Variants in SHKBP1 observed in about 807,000 individuals in gnomAD.
The protein encoded by SHKBP1 is SH3KBP1-binding protein 1.
SHKBP1 carries 71 observed loss-of-function variants against 83.9 expected under a neutral mutation model. The observed-to-expected ratio is 0.85, with a 90% CI of 0.70 to 1.03. The LOEUF (loss-of-function observed/expected upper bound fraction) is 1.03, where lower values mean the gene tolerates loss of function less well. Among genes scored for constraint, SHKBP1 ranks in the 50% least tolerant of loss-of-function variants. The pLI is 0.00. For missense variants in SHKBP1, 824 were observed against 982.4 expected, an observed-to-expected ratio of 0.84 and a Z score of 2.16; for synonymous variants, 371 against 398.0, an observed-to-expected ratio of 0.93 and a Z score of 0.81.
intron 10 of SHKBP1, 55 bp downstream of exon 10, chr19:40,582,521 A>G: frequency 6.7e-7 from 1 of 1,492,968 alleles, no homozygotes; most frequent in Non-Finnish European, 9.3e-7. Context: ...GACTGTACAG[A>G]CCCAGGAAGG....
At position 40,588,622 on chromosome 19, in the gene SHKBP1, A is replaced by C. The variant is rs1227845873; in HGVS notation, c.1337-2A>C. On this transcript the variant is annotated splice_acceptor_variant, in intron 13 of 17. Transcript: ENST00000291842. LOFTEE classifies it high-confidence loss of function. ...ACTTCCTGCTCTCCTTGTGCCCCTC[A>C]GTCTGTGCCGACAACAACCACGTGC... The C allele has an allele frequency of 3.7e-6, 6 of 1,614,174 alleles. No homozygotes were observed. In the East Asian group the frequency reaches 1.3e-4, roughly 36 times the overall value.
At chr19:40,577,013 A>G (rs2145972569) in intron 1 of SHKBP1, 28 bp downstream of exon 1, 2 of 1,442,302 alleles carry the variant, frequency 1.4e-6, no homozygotes, top group South Asian at 1.3e-5. Context: ...CTGAGGTCCC[A>G]TCCTCGGGGG....
Position 40,578,523 on chromosome 19 carries a change from TG to T in SHKBP1, c.383del (p.Gly128ValfsTer10). On this transcript the variant is annotated frameshift_variant, in exon 6 of 18. Transcript: ENST00000291842. LOFTEE classifies it high-confidence loss of function. ...RSSCGNVLFN[G>X]YLPPPVFPVK... ...CTTCTTGTGGAAACGTCCTCTTCAA[TG>T]GTTACCTGCCGCCACCAGGTAGGCA... The T allele has an allele frequency of 6.2e-7, 1 of 1,614,006 alleles. No individual in the cohort carries two copies. Among genetic ancestry groups the T allele is most frequent in the Non-Finnish European group, 8.5e-7 (1 of 1,179,998 alleles).
At chr19:40,578,356 G>C in intron 5 of SHKBP1, 106 bp from the exon 6 acceptor site, 22 of 1,473,184 alleles carry the variant, frequency 1.5e-5, no homozygotes, top group Non-Finnish European at 2.1e-5. Context: ...GTCTGTATTC[G>C]TACTGGGAGG....
At position 40,586,959 on chromosome 19, in the gene SHKBP1, G is replaced by A; in HGVS notation, c.1336+15G>A. ...CCTCATCTCAGGTGAGCCTCTGTGG[G>A]GTGCTCCAGTGCTGGGAGAGACAGC... On this transcript the variant is annotated intron_variant, in intron 13 of 17. Transcript: ENST00000291842. 6.3e-7 allele frequency: 1 copy of A among 1,581,420 alleles called. No individual in the cohort carries two copies. Among genetic ancestry groups the A allele is most frequent in the Non-Finnish European group, 8.6e-7 (1 of 1,157,500 alleles).
Position 40,580,654 on chromosome 19 carries a change from C to T in SHKBP1, c.651C>T (p.Tyr217=). 1.2e-6 allele frequency: 2 copies of T among 1,614,158 alleles called. No individual in the cohort carries two copies. The highest frequency in any genetic ancestry group is 1.7e-6 in the Non-Finnish European group (2 of 1,180,032). The change falls in exon 8 of 18, where the codon TAC becomes TAT. Residue 217 remains tyrosine (Y), a splice_region_variant and synonymous_variant. Coordinates refer to ENST00000291842, the MANE Select transcript of SHKBP1 (RefSeq NM_138392.4). The part of the protein sequence containing the change: ...AVAYTQFLVC[Y]RLKEASGWQL... ...CCTATACCCAGTTTCTAGTCTGCTA[C>T]AGGTGCTTGGGGAGGGAGTGGCAGG...
rs1161611045 is a variant in SHKBP1 at position 40,590,683 on chromosome 19, C to A, written c.1769-47C>A. 2.6e-6 allele frequency: 4 copies of A among 1,537,310 alleles called. No homozygotes were observed. The highest frequency in any genetic ancestry group is 3.8e-5 in the Admixed American group (2 of 53,004). On this transcript the variant is annotated intron_variant, in intron 16 of 17. Coordinates refer to ENST00000291842, the MANE Select transcript of SHKBP1 (RefSeq NM_138392.4). This position sits in a 1 kb window ranked among gnomAD's most constrained non-coding sequence, Gnocchi z 4.6. ...ACTGCAATGCAACCCAGGCCCTTGC[C>A]CTATGACCCCTGTCTTGCCCCCTGA...
intron 15 of SHKBP1, 33 bp downstream of exon 15, chr19:40,589,211 ACAGTCCTGTCCAACAGGGAGGGAGGT>A (rs2081336983): frequency 1.7e-6 from 1 of 594,306 alleles, no homozygotes. Context: ...GGGAGGGAGG[ACAGTCCTGTCCAACAGGGAGGGAGGT>A]CAGGGGAGAA....
chr19:40,583,399 T>A lies in SHKBP1; in HGVS notation c.962T>A (p.Val321Asp), dbSNP rs1490120452. The A allele has an allele frequency of 6.3e-7, 1 of 1,574,908 alleles. No homozygotes were observed. The highest frequency in any genetic ancestry group is 8.6e-7 in the Non-Finnish European group (1 of 1,159,970). Reference protein sequence around the residue: ...VWNAVTKHWQVQEVQPITSYD... With the variant: ...VWNAVTKHWQDQEVQPITSYD... ...CAGCCTGTCCTGCCCCACCCCCAGG[T>A]CCAGGAGGTGCAGCCCATCACCAGT... The change falls in exon 11 of 18, where the codon GTC becomes GAC. Residue 321 changes from valine to aspartate, a missense_variant and splice_region_variant. Physicochemically the swap from Val to Asp is radical, Grantham distance 152. Around this residue, in one of 3 missense-constraint regions of SHKBP1, gnomAD observed 182 missense variants for 273.1 expected, o/e 0.67. Transcript: ENST00000291842.
chr19:40,578,607 T>C (rs2081242199), intron 6 of SHKBP1, 65 bp downstream of exon 6: 2 of 1,469,454 alleles, frequency 1.4e-6, no homozygotes, highest in Non-Finnish European at 9.5e-7. Flanking sequence ...CCCATAAGGC[T>C]GCAGCTCTCG....
chr19:40,580,231 A>C, intron 6 of SHKBP1, 93 bp from the exon 7 acceptor site: 1 of 1,425,034 alleles, frequency 7.0e-7, no homozygotes, highest in Non-Finnish European at 9.6e-7. Flanking sequence ...TGTCCCACAC[A>C]TGGGGAAATC....
Position 40,578,190 on chromosome 19 carries a change from G to A in SHKBP1, c.297G>A (p.Gln99=), listed in dbSNP as rs769111493. The part of the protein sequence containing the change: ...VHGSSLLHEA[Q]FYGLTPLVRR... ...GTTCCAGCCTCCTCCATGAAGCCCA[G>A]TTCTATGGGCTCACTCCTCTGGGTA... The change falls in exon 5 of 18, where the codon CAG becomes CAA. Residue 99 remains glutamine, a synonymous_variant. Transcript: ENST00000291842. 1.0e-4 allele frequency: 165 copies of A among 1,614,010 alleles called. No homozygotes were observed. Among genetic ancestry groups the A allele is most frequent in the Admixed American group, 1.3e-4 (8 of 60,006 alleles).
rs415075 is a variant in SHKBP1 at position 40,586,548 on chromosome 19, C to G, written c.1166-226C>G. ...CCACCAGCTAATTTTTGTATTTTTA[C>G]TAGAGACAGGGTTTCAGCACGTTGG... On this transcript the variant is annotated intron_variant, in intron 12 of 17. Transcript: ENST00000291842. 190,328 of 371,262 alleles carry G rather than the reference C, an allele frequency of 0.51. 51,070 individuals carry two copies. Among genetic ancestry groups the G allele is most frequent in the African/African-American group, 0.75 (35,762 of 47,940 alleles). The allele number at this position is 371,262 out of a possible 1,614,324, so 23.0% of individuals were successfully genotyped here. A position where few individuals can be genotyped will look rare whatever the true frequency, so the allele number is the denominator to read the frequency against.
chr19:40,582,429 G>C lies in SHKBP1; in HGVS notation c.923G>C (p.Arg308Pro). The C allele has an allele frequency of 6.2e-7, 1 of 1,614,148 alleles. No individual in the cohort carries two copies. Among genetic ancestry groups the C allele is most frequent in the Non-Finnish European group, 8.5e-7 (1 of 1,180,008 alleles). ...CTCATTGCTACAAGCCACACAGGGC[G>C]CATCGGGGTGTGGAATGCCGTCACC... ...NQLIATSHTG[R>P]IGVWNAVTKH... is the part of the protein sequence containing the mutation. The change falls in exon 10 of 18, where the codon CGC becomes CCC. Residue 308 changes from arginine to proline, a missense_variant. Arg to Pro is a moderately radical substitution (Grantham distance 103). Around this residue, in one of 3 missense-constraint regions of SHKBP1, gnomAD observed 182 missense variants for 273.1 expected, o/e 0.67. Coordinates refer to ENST00000291842, the MANE Select transcript of SHKBP1 (RefSeq NM_138392.4).
At position 40,578,258 on chromosome 19, in the gene SHKBP1, A is replaced by C. The variant is rs376634075; in HGVS notation, c.319+46A>C. The C allele has an allele frequency of 1.3e-5, 20 of 1,576,166 alleles. No homozygotes were observed. The African/African-American group carries it at 2.7e-4, about 21-fold the overall frequency. ...ATCATCCTCATTGTATAGAAAACCAACTCTGTGATGCTACCTGCCCCTCTT... is the reference window on the plus strand; with the variant it reads ...ATCATCCTCATTGTATAGAAAACCACCTCTGTGATGCTACCTGCCCCTCTT... On this transcript the variant is annotated intron_variant, in intron 5 of 17. Transcript: ENST00000291842.
intron 6 of SHKBP1, among the ~76,000 whole-genome samples, chr19:40,579,551 C>A (rs914969779): frequency 2.6e-5 from 4 of 152,080 alleles, no homozygotes; most frequent in Admixed American, 2.6e-4. Context: ...GTGGTCCCAG[C>A]TACTTAGGAT....
Position 40,580,809 on chromosome 19 carries a change from A to G in SHKBP1, c.717A>G (p.Glu239=). ...FSSPRLDWPI[E]RLALTARVHG... ...GCCCCCGCCTGGACTGGCCCATCGA[A>G]CGACTGGCGCTCACAGCCCGGGTGC... Residue 239 remains glutamate, a synonymous_variant, in exon 9 of 18, where the codon GAA becomes GAG. Coordinates refer to ENST00000291842, the MANE Select transcript of SHKBP1 (RefSeq NM_138392.4). 1 of 1,613,176 alleles carries G rather than the reference A, an allele frequency of 6.2e-7. No individual in the cohort carries two copies. The highest frequency in any genetic ancestry group is 8.5e-7 in the Non-Finnish European group (1 of 1,179,524).
Position 40,590,406 on chromosome 19 carries a change from C to T in SHKBP1, c.1752C>T (p.Gly584=). Residue 584 remains glycine, a synonymous_variant, in exon 16 of 18, where the codon GGC becomes GGT. Coordinates refer to ENST00000291842, the MANE Select transcript of SHKBP1 (RefSeq NM_138392.4). This position sits in a 1 kb window ranked among gnomAD's most constrained non-coding sequence, Gnocchi z 4.6. ...AMWDLTTAMD[G]LGQAPAGGLT... is the part of the protein sequence containing the mutation. ...GGGACCTAACCACCGCCATGGACGG[C>T]CTCGGCCAGGCCCCTGGTACTCCCT... 2 of 1,608,108 alleles carry T rather than the reference C, an allele frequency of 1.2e-6. No homozygotes were observed. Among genetic ancestry groups the T allele is most frequent in the Non-Finnish European group, 8.5e-7 (1 of 1,177,224 alleles).
chr19:40,578,965 T>C (rs1028273552), intron 6 of SHKBP1, among the ~76,000 whole-genome samples: 1 of 152,066 alleles, frequency 6.6e-6, no homozygotes, highest in African/African-American at 2.4e-5. Context: ...AGTAACAGAG[T>C]AGGGAAATTT....
Sources: allele counts gnomAD v4.1 joint callset (sites outside exome capture counted in the v4.1 genomes callset), GRCh38; gene constraint gnomAD v4.1.1; regional missense constraint gnomAD v4.1.1; non-coding constraint Gnocchi (gnomAD v3.1); transcripts MANE v1.5; gene names NCBI Gene and HGNC (gene_info 2026-07-23, HGNC 2026-07-21).